MAX: variants seen among roughly 807,000 people sequenced by gnomAD.
MAX encodes the protein MYC associated transcriptional regulator X, also known as protein max.
A neutral mutation model predicts 22.3 loss-of-function variants in MAX; 3 were observed. That is an observed-to-expected ratio of 0.13 (90% CI 0.06 to 0.35). MAX has a LOEUF of 0.35. Ranked by LOEUF, MAX falls within the 10% of genes least tolerant of loss-of-function variation. The pLI is 1.00. For missense variants in MAX, 119 were observed against 209.4 expected (o/e 0.57, Z 2.66); for synonymous variants, 72 against 77.7 (o/e 0.93, Z 0.39).
intron 3 of MAX, among the ~76,000 whole-genome samples, chr14:65,046,814 TAGAA>T (rs764363252): frequency 7.9e-5 from 12 of 151,688 alleles, no homozygotes; most frequent in Non-Finnish European, 1.2e-4. Context: ...AAAAAATTCA[TAGAA>T]AGTATCTAGG....
In MAX at chr14:65,030,764, T is replaced by C. The variant is rs2062065784; in HGVS notation, c.172-24480A>G. Among the ~76,000 whole-genome samples, 2 of 151,724 alleles carry C rather than the reference T, an allele frequency of 1.3e-5. No individual in the cohort carries two copies. The highest frequency in any genetic ancestry group is 2.1e-4 in the South Asian group (1 of 4,794). On this transcript the variant is annotated intron_variant, in intron 3 of 3. Transcript: ENST00000341653. The surrounding 1 kb of genome is among the most constrained non-coding windows in gnomAD (Gnocchi z 4.5). ...TAAAAAAAAAAAAGAAGATGGAAAC[T>C]AGGCCCTTCTTTTATGTTTCTTAGG...
At chr14:65,043,107 T>TC (rs772801797) in intron 3 of MAX, among the ~76,000 whole-genome samples, 56 of 152,098 alleles carry the variant, frequency 3.7e-4, no homozygotes, top group Non-Finnish European at 6.3e-4. Context: ...GGAAGTACCC[T>TC]CCCCTGTACC....
At position 65,062,385 on chromosome 14, in the gene MAX, G is replaced by T. The variant is rs1299979613; in HGVS notation, c.171+31323C>A. 1 of 152,586 alleles carries T rather than the reference G, an allele frequency of 6.6e-6. No homozygotes were observed. Among genetic ancestry groups the T allele is most frequent in the African/African-American group, 2.4e-5 (1 of 41,462 alleles). The allele number at this position is 152,586 out of a possible 1,614,324, so 9.5% of individuals were successfully genotyped here. ...CTGTAGCTGGTGGTGGCAGCGTGGG[G>T]TGCCGCCCAGCGTGCTGGGTCCTGG... is the stretch of plus-strand genomic sequence containing the variant. On this transcript the variant is annotated intron_variant, in intron 3 of 3. Coordinates refer to the MAX transcript ENST00000341653. The surrounding 1 kb of genome is among the most constrained non-coding windows in gnomAD (Gnocchi z 4.3).
intron 3 of MAX, among the ~76,000 whole-genome samples, chr14:65,046,527 CA>C (rs2062482496): frequency 1.3e-5 from 2 of 152,154 alleles, no homozygotes; most frequent in Admixed American, 1.3e-4. Context: ...TAGTGGCATT[CA>C]AAGCTTTGTC....
chr14:65,040,394 G>A (rs1006653819), intron 3 of MAX, among the ~76,000 whole-genome samples: 1 of 151,264 alleles, frequency 6.6e-6, no homozygotes, highest in African/African-American at 2.4e-5. Context: ...TCTTACACAA[G>A]TAGGCTGTTT....
At position 65,007,306 on chromosome 14, in the gene MAX, C is replaced by T. The variant is rs982287933; in HGVS notation, c.172-1022G>A. Among the ~76,000 whole-genome samples, 13 of 152,294 alleles carry T rather than the reference C, an allele frequency of 8.5e-5. No individual in the cohort carries two copies. The highest frequency in any genetic ancestry group is 3.1e-4 in the African/African-American group (13 of 41,552). On this transcript the variant is annotated intron_variant, in intron 3 of 3. Coordinates refer to the MAX transcript ENST00000341653. This position sits in a 1 kb window ranked among gnomAD's most constrained non-coding sequence, Gnocchi z 4.9. Reference sequence around the variant, plus strand: ...ACTTTAATACAGGAAGTAACCTTCACTGTTAGCTGAAGTGCATGGTTAGCT... The same window carrying T: ...ACTTTAATACAGGAAGTAACCTTCATTGTTAGCTGAAGTGCATGGTTAGCT...
chr14:65,082,101 C>T lies in MAX; in HGVS notation c.172-4065G>A, dbSNP rs1000308802. On this transcript the variant is annotated intron_variant, in intron 3 of 4. Coordinates refer to ENST00000358664, the MANE Select transcript of MAX (RefSeq NM_002382.5). The surrounding 1 kb of genome is among the most constrained non-coding windows in gnomAD (Gnocchi z 4.8). ...TTCCCTATTTTATAAATGAGGAAAC[C>T]GAGACACAGAGCTGTAATTTACCCA... The T allele has an allele frequency of 1.1e-4, 16 of 152,122 alleles. No individual in the cohort carries two copies. The highest frequency in any genetic ancestry group is 5.9e-5 in the Non-Finnish European group (4 of 68,000). 9.4% of individuals were successfully genotyped at this position (152,122 alleles called of 1,614,324 possible).
At chr14:65,041,558 C>G (rs919751532) in intron 3 of MAX, among the ~76,000 whole-genome samples, 6 of 152,182 alleles carry the variant, frequency 3.9e-5, no homozygotes, top group African/African-American at 2.4e-5. Context: ...CATGTACCCC[C>G]TGACCATGAC....
intron 3 of MAX, among the ~76,000 whole-genome samples, chr14:65,045,284 T>G (rs569005070): frequency 7.5e-4 from 114 of 152,188 alleles, no homozygotes; most frequent in Admixed American, 1.4e-3. Flanking sequence ...ATGAGATCCC[T>G]GGGTCCAAAG....
At chr14:65,089,029 T>G (rs765372093) in intron 3 of MAX, among the ~76,000 whole-genome samples, 1 of 152,194 alleles carries the variant, frequency 6.6e-6, no homozygotes. Flanking sequence ...GTTATCTCAT[T>G]ATTGTTAATT....
intron 3 of MAX, among the ~76,000 whole-genome samples, chr14:65,019,004 G>A (rs1256688666): frequency 6.6e-6 from 1 of 151,936 alleles, no homozygotes; most frequent in African/African-American, 2.4e-5. Context: ...TACTCAGGAG[G>A]CTGTTTGTTT....
chr14:65,038,819 C>G (rs1156454655), intron 3 of MAX, among the ~76,000 whole-genome samples: 2 of 152,148 alleles, frequency 1.3e-5, no homozygotes, highest in Non-Finnish European at 2.9e-5. Flanking sequence ...TATTTATCTT[C>G]TAATCCTCTT....
Position 65,093,490 on chromosome 14 carries a change from T to C in MAX, c.171+218A>G. 1 of 575,954 alleles carries C rather than the reference T, an allele frequency of 1.7e-6. No individual in the cohort carries two copies. The highest frequency in any genetic ancestry group is 3.0e-5 in the East Asian group (1 of 33,828). The allele number at this position is 575,954 out of a possible 1,614,324, so 35.7% of individuals were successfully genotyped here. On this transcript the variant is annotated intron_variant, in intron 3 of 4. Coordinates refer to ENST00000358664, the MANE Select transcript of MAX (RefSeq NM_002382.5). This position sits in a 1 kb window ranked among gnomAD's most constrained non-coding sequence, Gnocchi z 4.4. ...TTTTAAAAGATAACTCCTACCATTA[T>C]CTCACAAATAGCTCCATTATATCTG...
intron 3 of MAX, among the ~76,000 whole-genome samples, chr14:65,041,702 C>G (rs1022010649): frequency 6.6e-6 from 1 of 152,214 alleles, no homozygotes; most frequent in African/African-American, 2.4e-5. Context: ...CCAGCAGTGT[C>G]TTGCCTCCAC....
chr14:65,018,369 A>G (rs73268784), intron 3 of MAX, among the ~76,000 whole-genome samples: 1,573 of 152,308 alleles, frequency 0.01, 25 homozygotes, highest in East Asian at 0.081. Flanking sequence ...GTTAAAATAT[A>G]TGTATTTATA....
chr14:65,060,870 CAAAAAAAA>C (rs58241887), intron 3 of MAX, among the ~76,000 whole-genome samples: 5,833 of 79,624 alleles, frequency 0.073, 167 homozygotes, highest in African/African-American at 0.11. Context: ...AAGACTCTCT[CAAAAAAAA>C]AAAAAAAAAA....
chr14:65,058,764 G>A (rs2062799036), intron 3 of MAX, among the ~76,000 whole-genome samples: 1 of 152,126 alleles, frequency 6.6e-6, no homozygotes, highest in Non-Finnish European at 1.5e-5. Flanking sequence ...CTGATGTTAA[G>A]CCTTATATTC....
rs536457956 is a variant in MAX at position 65,044,004 on chromosome 14, A to G, written c.172-37720T>C. 1.0e-3 allele frequency among the ~76,000 whole-genome samples: 153 copies of G among 152,308 alleles called. No homozygotes were observed. The highest frequency in any genetic ancestry group is 1.9e-3 in the South Asian group (9 of 4,826). On this transcript the variant is annotated intron_variant, in intron 3 of 3. Coordinates refer to the MAX transcript ENST00000341653. This position sits in a 1 kb window ranked among gnomAD's most constrained non-coding sequence, Gnocchi z 5.5. ...AAGAGACTTTGAAGGTCTCCTTACA[A>G]ACCAGCTTGGCCTCTTTATCTTCTC...
At chr14:65,073,152 A>ATTAT (rs1566593792), downstream of MAX, among the ~76,000 whole-genome samples, 1 of 152,170 alleles carries the variant, frequency 6.6e-6, no homozygotes, top group East Asian at 1.9e-4. Context: ...TAGTGCTATT[A>ATTAT]TTATCCTCAT....
Sources: allele counts gnomAD v4.1 joint callset (sites outside exome capture counted in the v4.1 genomes callset), GRCh38; gene constraint gnomAD v4.1.1; non-coding constraint Gnocchi (gnomAD v3.1); transcripts MANE v1.5; gene names NCBI Gene and HGNC (gene_info 2026-07-23, HGNC 2026-07-21).